MOB1B: variants seen among roughly 807,000 people sequenced by gnomAD.
MOB1B encodes MOB1 Mps One Binder homolog B.
MOB1B carries 19 observed loss-of-function variants against 24.4 expected under a neutral mutation model. That is an observed-to-expected ratio of 0.78 (90% CI 0.54 to 1.14). The LOEUF (loss-of-function observed/expected upper bound fraction) is 1.14, where lower values mean the gene tolerates loss of function less well. MOB1B is among the 50% of genes most tolerant of loss of function. The pLI is 0.00. For missense variants in MOB1B, 243 were observed against 259.6 expected (o/e 0.94, Z 0.44); for synonymous variants, 76 against 82.1 (o/e 0.93, Z 0.40).
At chr4:70,906,370 G>A (rs920998384) in intron 1 of MOB1B, among the ~76,000 whole-genome samples, 1 of 152,074 alleles carries the variant, frequency 6.6e-6, no homozygotes, top group Non-Finnish European at 1.5e-5. Context: ...GAGTGAGACC[G>A]TCTCAAAAAA....
intron 1 of MOB1B, among the ~76,000 whole-genome samples, chr4:70,958,444 G>C (rs970637569): frequency 1.3e-5 from 2 of 152,072 alleles, no homozygotes; most frequent in East Asian, 1.9e-4. Flanking sequence ...GGGATTACAG[G>C]TGTGAGCCAC....
intron 1 of MOB1B, among the ~76,000 whole-genome samples, chr4:70,918,159 T>C (rs1415724075): frequency 6.6e-6 from 1 of 152,220 alleles, no homozygotes. Flanking sequence ...CTAGATGTTT[T>C]CAGGGGCCCT....
intron 1 of MOB1B, among the ~76,000 whole-genome samples, chr4:70,931,487 T>C (rs886540163): frequency 6.6e-6 from 1 of 152,200 alleles, no homozygotes; most frequent in Non-Finnish European, 1.5e-5. Context: ...TTAGAGAAGA[T>C]TTATGATTGG....
At chr4:70,962,059 TATAAA>T (rs1738329130) in intron 2 of MOB1B, among the ~76,000 whole-genome samples, 2 of 151,900 alleles carry the variant, frequency 1.3e-5, no homozygotes, top group South Asian at 4.2e-4. Flanking sequence ...TCTACAAAAA[TATAAA>T]ATAAAATAAA....
intron 2 of MOB1B, among the ~76,000 whole-genome samples, chr4:70,968,641 G>A (rs1738635622): frequency 6.6e-6 from 1 of 151,998 alleles, no homozygotes; most frequent in Admixed American, 6.6e-5. Context: ...TTGAGACAAG[G>A]TCTCGTTCTT....
At chr4:70,929,182 C>CTTTTTTTTTTTT (rs11362114) in intron 1 of MOB1B, among the ~76,000 whole-genome samples, 1 of 95,132 alleles carries the variant, frequency 1.1e-5, no homozygotes, top group Non-Finnish European at 2.3e-5. Flanking sequence ...TTCTTTCTTT[C>CTTTTTTTTTTTT]TTTTTTTTTT....
intron 2 of MOB1B, among the ~76,000 whole-genome samples, chr4:70,959,315 C>A (rs1376735088): frequency 6.6e-6 from 1 of 152,106 alleles, no homozygotes; most frequent in Admixed American, 6.6e-5. Context: ...CTCAAGCAGT[C>A]CTCCCACCCT....
At chr4:70,907,423 C>T (rs1735792912) in intron 1 of MOB1B, among the ~76,000 whole-genome samples, 1 of 151,080 alleles carries the variant, frequency 6.6e-6, no homozygotes, top group Non-Finnish European at 1.5e-5. Flanking sequence ...TAATGGAATT[C>T]TGAAAAAAAA....
intron 1 of MOB1B, among the ~76,000 whole-genome samples, chr4:70,930,237 C>T (rs1736837832): frequency 6.6e-6 from 1 of 151,822 alleles, no homozygotes; most frequent in Non-Finnish European, 1.5e-5. Flanking sequence ...TTACTACAGG[C>T]AATAAACTGA....
chr4:70,913,877 A>G (rs534417993), intron 1 of MOB1B, among the ~76,000 whole-genome samples: 1 of 150,756 alleles, frequency 6.6e-6, no homozygotes. Context: ...ATTGCTTCTA[A>G]ATTTATTAGT....
At chr4:70,976,007 C>G (rs957339716) in intron 4 of MOB1B, 1 of 264,384 alleles carries the variant, frequency 3.8e-6, no homozygotes, top group African/African-American at 2.3e-5. Context: ...TCAAGTGATT[C>G]TCTTGCCTCA....
chr4:70,942,090 C>T (rs1737370942), intron 1 of MOB1B, among the ~76,000 whole-genome samples: 1 of 151,992 alleles, frequency 6.6e-6, no homozygotes, highest in African/African-American at 2.4e-5. Flanking sequence ...TGTCTTTGAC[C>T]TTAATTACAC....
At chr4:70,931,451 A>G (rs569996819) in intron 1 of MOB1B, among the ~76,000 whole-genome samples, 2 of 152,286 alleles carry the variant, frequency 1.3e-5, no homozygotes, top group South Asian at 2.1e-4. Flanking sequence ...TTATTTGACA[A>G]CATGCAGGCT....
At chr4:70,980,764 T>C (rs1490992463) in intron 5 of MOB1B, among the ~76,000 whole-genome samples, 1 of 152,172 alleles carries the variant, frequency 6.6e-6, no homozygotes, top group Non-Finnish European at 1.5e-5. Context: ...CATGCATCTT[T>C]TTCTGGGCTC....
intron 1 of MOB1B, 102 bp downstream of exon 1, chr4:70,902,652 C>T: frequency 1.8e-6 from 2 of 1,122,600 alleles, no homozygotes; most frequent in Non-Finnish European, 2.4e-6. Flanking sequence ...ACCCTCCTGG[C>T]CCAGCGCTCC....
rs987127183 is a variant in MOB1B, at chr4:70,975,269, T to C, written c.392T>C (p.Leu131Ser). Residue 131 changes from leucine (L) to serine (S), a missense_variant, in exon 4 of 6, where the codon TTA becomes TCA. By Grantham distance (145) the Leu-to-Ser change is moderately radical. Transcript: ENST00000309395. ...CAGGACCAGTTGGATGATGAGACGT[T>C]ATTTCCATCAAAAATTGGTATAATT... Reference protein sequence around the residue: ...WVQDQLDDETLFPSKIGVPFP... With the variant: ...WVQDQLDDETSFPSKIGVPFP... The C allele has an allele frequency of 3.1e-6, 5 of 1,613,030 alleles. No homozygotes were observed. Among genetic ancestry groups the C allele is most frequent in the Middle Eastern group, 3.3e-4 (2 of 6,054 alleles).
intron 1 of MOB1B, among the ~76,000 whole-genome samples, chr4:70,928,974 A>G (rs1198829449): frequency 3.3e-5 from 5 of 152,116 alleles, no homozygotes; most frequent in East Asian, 1.9e-4. Flanking sequence ...CTATTTTCCA[A>G]TGTGCCCTGT....
intron 1 of MOB1B, among the ~76,000 whole-genome samples, chr4:70,945,916 C>G (rs1481457549): frequency 6.6e-6 from 1 of 151,212 alleles, no homozygotes; most frequent in East Asian, 1.9e-4. Flanking sequence ...GAAGTAGGCG[C>G]TACCTGATTT....
chr4:70,982,185 T>C lies in MOB1B; in HGVS notation c.*128T>C. 1.6e-6 allele frequency: 1 copy of C among 607,386 alleles called. No homozygotes were observed. The allele number at this position is 607,386 out of a possible 1,614,324, so 37.6% of individuals were successfully genotyped here. A position where few individuals can be genotyped will look rare whatever the true frequency, so the allele number is the denominator to read the frequency against. ...TTTGGGGGCGGGGGCTTGTTTGGGT[T>C]CCTTTTTCTTTATTCTGATTATGTG... On this transcript the variant is annotated 3_prime_UTR_variant, in exon 6 of 6. Coordinates refer to ENST00000309395, the MANE Select transcript of MOB1B (RefSeq NM_173468.4).
Sources: allele counts gnomAD v4.1 joint callset (sites outside exome capture counted in the v4.1 genomes callset), GRCh38; gene constraint gnomAD v4.1.1; transcripts MANE v1.5; gene names NCBI Gene and HGNC (gene_info 2026-07-23, HGNC 2026-07-21).